CTNNA2: variants seen among roughly 807,000 people sequenced by gnomAD.
CTNNA2 encodes catenin alpha-2.
A neutral mutation model predicts 101.0 loss-of-function variants in CTNNA2; 42 were observed. The ratio of observed to expected loss-of-function variants is 0.42; its 90% CI spans 0.32 to 0.54. CTNNA2 has a LOEUF of 0.54. CTNNA2 is among the 20% of genes least tolerant of loss of function. The probability of loss-of-function intolerance (pLI) is 0.14; values close to 1 mark genes in which losing one functional copy is unlikely to be tolerated. For synonymous variants in CTNNA2, 450 were observed against 456.4 expected (o/e 0.99, Z 0.18); for missense variants, 871 against 1,223.1 (o/e 0.71, Z 4.29).
rs116683178 is a variant in CTNNA2 at position 80,090,612 on chromosome 2, G to A, written c.1056+180815G>A. 3.3e-3 allele frequency among the ~76,000 whole-genome samples: 495 copies of A among 152,180 alleles called. 4 individuals carry two copies. The highest frequency in any genetic ancestry group is 0.011 in the African/African-American group (462 of 41,538). On this transcript the variant is annotated intron_variant, in intron 7 of 18. Coordinates refer to ENST00000402739, the MANE Select transcript of CTNNA2 (RefSeq NM_001282597.3). ...GTTCAGTTCTTGAACCTCATCTTAT[G>A]CAGTGTGCACTTGTGTGTGAATATG... is the stretch of plus-strand genomic sequence containing the variant.
At chr2:79,561,457 GA>G (rs1674776244) in intron 1 of CTNNA2, among the ~76,000 whole-genome samples, 1 of 151,850 alleles carries the variant, frequency 6.6e-6, no homozygotes, top group Non-Finnish European at 1.5e-5. Flanking sequence ...CCAAGGAGTG[GA>G]ATCGTTTAGT....
At chr2:80,097,784 C>G (rs1228902338) in intron 7 of CTNNA2, among the ~76,000 whole-genome samples, 1 of 152,190 alleles carries the variant, frequency 6.6e-6, no homozygotes, top group African/African-American at 2.4e-5. Context: ...ACCCTTTCTT[C>G]CAGTTGATCG....
chr2:79,874,414 G>A, intron 6 of CTNNA2, 72 bp downstream of exon 6: 1 of 1,511,888 alleles, frequency 6.6e-7, no homozygotes, highest in South Asian at 1.2e-5. Context: ...TATTGAGGAT[G>A]AAGGGCCACT....
At chr2:79,563,570 G>C (rs931914443) in intron 1 of CTNNA2, among the ~76,000 whole-genome samples, 15 of 152,038 alleles carry the variant, frequency 9.9e-5, no homozygotes, top group African/African-American at 3.4e-4. Flanking sequence ...GGTGGGGCAG[G>C]TTCCATATTT....
Position 80,419,613 on chromosome 2 carries a change from G to C in CTNNA2, c.1290+12G>C. 1 of 1,613,142 alleles carries C rather than the reference G, an allele frequency of 6.2e-7. No individual in the cohort carries two copies. The highest frequency in any genetic ancestry group is 2.2e-5 in the East Asian group (1 of 44,836). ...ACAAACTGGTAGAGGTAAGTGTGGA[G>C]GGGCCTGAAGACTAGAGTTTACCGA... On this transcript the variant is annotated intron_variant, in intron 9 of 18. Transcript: ENST00000402739.
chr2:80,313,778 C>A, intron 7 of CTNNA2: 1 of 711,858 alleles, frequency 1.4e-6, no homozygotes, highest in Non-Finnish European at 2.4e-6. Context: ...CTCCCTTGAA[C>A]ATGAATGGAG....
intron 1 of CTNNA2, among the ~76,000 whole-genome samples, chr2:79,630,847 G>T (rs1250418133): frequency 6.7e-6 from 1 of 150,224 alleles, no homozygotes; most frequent in South Asian, 2.1e-4. Flanking sequence ...CAACACAGAC[G>T]TTTTTTGGAA....
intron 7 of CTNNA2, among the ~76,000 whole-genome samples, chr2:79,955,316 A>G (rs1231603723): frequency 1.3e-5 from 2 of 152,204 alleles, no homozygotes; most frequent in Non-Finnish European, 2.9e-5. Flanking sequence ...AAAAATTAAA[A>G]CAATGAAGGG....
chr2:79,931,968 A>T (rs1687477502), intron 7 of CTNNA2, among the ~76,000 whole-genome samples: 1 of 152,196 alleles, frequency 6.6e-6, no homozygotes. Context: ...ACAGTTGCGT[A>T]TGGAAGGTAC....
intron 2 of CTNNA2, among the ~76,000 whole-genome samples, chr2:79,686,280 G>A (rs936524390): frequency 6.6e-6 from 1 of 152,108 alleles, no homozygotes; most frequent in Non-Finnish European, 1.5e-5. Flanking sequence ...CAACTCAGGA[G>A]AAGGATGGAT....
chr2:79,657,355 T>G (rs1311778018), intron 2 of CTNNA2, among the ~76,000 whole-genome samples: 2 of 151,828 alleles, frequency 1.3e-5, no homozygotes, highest in African/African-American at 4.8e-5. Flanking sequence ...AGGGAATCAG[T>G]TCCTAGAAAA....
chr2:79,763,747 T>G (rs1672956831), intron 3 of CTNNA2, among the ~76,000 whole-genome samples: 1 of 152,216 alleles, frequency 6.6e-6, no homozygotes, highest in African/African-American at 2.4e-5. Context: ...GGTTGCATTG[T>G]TTGTGGATAT....
intron 4 of CTNNA2, among the ~76,000 whole-genome samples, chr2:79,860,401 C>T (rs2974159): frequency 0.42 from 63,248 of 151,880 alleles, 13,763 homozygotes; most frequent in East Asian, 0.73. Flanking sequence ...AGGGCGATGA[C>T]GCCATGTGTG....
intron 2 of CTNNA2, among the ~76,000 whole-genome samples, chr2:79,740,588 C>T (rs1482529252): frequency 1.3e-5 from 2 of 152,086 alleles, no homozygotes; most frequent in Non-Finnish European, 2.9e-5. Flanking sequence ...CATTTATAAA[C>T]ATATATTCAT....
chr2:80,543,872 G>T (rs551213751), intron 9 of CTNNA2, among the ~76,000 whole-genome samples: 4 of 152,170 alleles, frequency 2.6e-5, no homozygotes, highest in African/African-American at 9.7e-5. Context: ...CAGGGATTCT[G>T]TCTGCTAATC....
At chr2:80,399,612 A>T (rs1678372897) in intron 8 of CTNNA2, among the ~76,000 whole-genome samples, 1 of 152,190 alleles carries the variant, frequency 6.6e-6, no homozygotes, top group Non-Finnish European at 1.5e-5. Flanking sequence ...CTTTTCTGCT[A>T]ATTTCTCTAG....
At chr2:79,794,774 G>A (rs866843110) in intron 3 of CTNNA2, among the ~76,000 whole-genome samples, 30 of 152,118 alleles carry the variant, frequency 2.0e-4, no homozygotes, top group African/African-American at 6.5e-4. Flanking sequence ...GTAATAGGTA[G>A]GATAAATCTA....
At chr2:79,319,150 A>C (rs1676561353) in intron 3 of CTNNA2, among the ~76,000 whole-genome samples, 3 of 152,186 alleles carry the variant, frequency 2.0e-5, no homozygotes, top group African/African-American at 7.2e-5. Context: ...CAAGACAAAA[A>C]TTATGTGGAC....
chr2:80,304,243 C>G (rs895227119), intron 7 of CTNNA2: 2 of 155,898 alleles, frequency 1.3e-5, no homozygotes, highest in African/African-American at 4.8e-5. Flanking sequence ...TCTGTGTTTC[C>G]GAGGCAGCCC....
Sources: gnomAD v4.1 joint callset for allele counts (sites outside exome capture counted in the v4.1 genomes callset) on GRCh38, gnomAD v4.1.1 for gene constraint, MANE v1.5 for transcripts, NCBI Gene and HGNC (gene_info 2026-07-23, HGNC 2026-07-21) for gene names.